ABTB3: variants seen among roughly 807,000 people sequenced by gnomAD.
ABTB3 encodes the protein ankyrin repeat and BTB domain containing 3, also known as ankyrin repeat- and BTB/POZ domain-containing protein 3.
the ABTB3 span, among the ~76,000 whole-genome samples, chr12:107,536,522 G>A: frequency 6.6e-6 from 1 of 151,750 alleles, no homozygotes; most frequent in Non-Finnish European, 1.5e-5. Context: ...TAATAGACAA[G>A]GAACTCAACC....
At chr12:107,523,204 G>C in the ABTB3 span, among the ~76,000 whole-genome samples, 2 of 152,104 alleles carry the variant, frequency 1.3e-5, no homozygotes, top group East Asian at 1.9e-4. Flanking sequence ...TTAAACTTAC[G>C]GCCTGCACCT....
chr12:107,448,712 C>T, the ABTB3 span, among the ~76,000 whole-genome samples: 3 of 151,738 alleles, frequency 2.0e-5, no homozygotes, highest in East Asian at 5.8e-4. Context: ...ACAATCTTGG[C>T]TCACTGCAAA....
chr12:107,481,132 G>A, the ABTB3 span, among the ~76,000 whole-genome samples: 1 of 152,026 alleles, frequency 6.6e-6, no homozygotes, highest in African/African-American at 2.4e-5. Flanking sequence ...AATAATTATC[G>A]GACTTATGGT....
At chr12:107,581,423 G>A in the ABTB3 span, 5 of 791,108 alleles carry the variant, frequency 6.3e-6, no homozygotes, top group Non-Finnish European at 8.6e-6. Flanking sequence ...GGCGGCGCTG[G>A]GGTGGAGGCT....
chr12:107,475,474 C>T, the ABTB3 span, among the ~76,000 whole-genome samples: 4 of 152,188 alleles, frequency 2.6e-5, no homozygotes, highest in African/African-American at 4.8e-5. Flanking sequence ...GTCATAGCAG[C>T]CTCCTGCCTG....
the ABTB3 span, among the ~76,000 whole-genome samples, chr12:107,432,401 G>A: frequency 6.6e-6 from 1 of 152,238 alleles, no homozygotes; most frequent in Non-Finnish European, 1.5e-5. Context: ...AGACAGGCCT[G>A]TCAGCTCCTT....
At chr12:107,340,113 T>A in the ABTB3 span, among the ~76,000 whole-genome samples, 1 of 152,198 alleles carries the variant, frequency 6.6e-6, no homozygotes. Context: ...AGTCAACAAT[T>A]AATTATGCTG....
chr12:107,485,470 C>T, the ABTB3 span, among the ~76,000 whole-genome samples: 1 of 152,092 alleles, frequency 6.6e-6, no homozygotes, highest in Non-Finnish European at 1.5e-5. Flanking sequence ...TGACTCTTGG[C>T]CCTTTGCTTC....
chr12:107,390,047 A>G, the ABTB3 span, among the ~76,000 whole-genome samples: 5 of 152,162 alleles, frequency 3.3e-5, no homozygotes, highest in Non-Finnish European at 5.9e-5. Context: ...AGAAGCTGCC[A>G]TGCCTGATTC....
chr12:107,650,003 A>G, the ABTB3 span: 3 of 152,252 alleles, frequency 2.0e-5, no homozygotes, highest in African/African-American at 7.2e-5. Flanking sequence ...GAAGCCAAAA[A>G]TCACCCCCAA....
the ABTB3 span, among the ~76,000 whole-genome samples, chr12:107,529,668 T>C: frequency 1.3e-5 from 2 of 152,356 alleles, no homozygotes; most frequent in Non-Finnish European, 1.5e-5. Flanking sequence ...TATATATTAT[T>C]TGTTTAATCC....
the ABTB3 span, among the ~76,000 whole-genome samples, chr12:107,537,182 G>A: frequency 1.3e-5 from 2 of 151,794 alleles, no homozygotes; most frequent in Non-Finnish European, 2.9e-5. Flanking sequence ...AAAAAAAATT[G>A]AGCCCATAGA....
chr12:107,448,008 G>A, the ABTB3 span, among the ~76,000 whole-genome samples: 696 of 152,314 alleles, frequency 4.6e-3, 9 homozygotes, highest in African/African-American at 0.016. Flanking sequence ...GCTGGGCCAA[G>A]CATGGGCTAA....
At chr12:107,414,051 A>G in the ABTB3 span, among the ~76,000 whole-genome samples, 1 of 152,238 alleles carries the variant, frequency 6.6e-6, no homozygotes, top group Non-Finnish European at 1.5e-5. Flanking sequence ...AAGTATGGAA[A>G]GAGTATGTAT....
the ABTB3 span, chr12:107,520,714 T>G: frequency 6.4e-7 from 1 of 1,561,494 alleles, no homozygotes; most frequent in Admixed American, 1.7e-5. Context: ...AATGTCCTCA[T>G]GCCAACCCCT....
chr12:107,628,512 C>T, the ABTB3 span, among the ~76,000 whole-genome samples: 1 of 152,148 alleles, frequency 6.6e-6, no homozygotes. Context: ...AACAGTAATT[C>T]TACTTTCTCT....
chr12:107,501,239 A>C, the ABTB3 span, among the ~76,000 whole-genome samples: 1 of 152,184 alleles, frequency 6.6e-6, no homozygotes, highest in Non-Finnish European at 1.5e-5. Flanking sequence ...TATTATTATT[A>C]TCTTGCTGCA....
chr12:107,323,136 T>G, the ABTB3 span, among the ~76,000 whole-genome samples: 1 of 152,302 alleles, frequency 6.6e-6, no homozygotes, highest in African/African-American at 2.4e-5. Context: ...TTTGCAAGTT[T>G]TTCTACTTTG....
the ABTB3 span, among the ~76,000 whole-genome samples, chr12:107,456,835 T>C: frequency 6.6e-6 from 1 of 151,544 alleles, no homozygotes; most frequent in Non-Finnish European, 1.5e-5. Context: ...ACGGTGCATG[T>C]GGCCACTTCA....
Sources: gnomAD v4.1 joint callset for allele counts (sites outside exome capture counted in the v4.1 genomes callset) on GRCh38, gnomAD v4.1.1 for gene constraint, MANE v1.5 for transcripts, NCBI Gene and HGNC (gene_info 2026-07-23, HGNC 2026-07-21) for gene names.